The following SUCLG2 variants were observed in gnomAD, a reference collection of about 807,000 sequenced individuals.
SUCLG2 encodes succinate-CoA ligase GDP-forming subunit beta, also known as succinate--CoA ligase [GDP-forming] subunit beta, mitochondrial.
SUCLG2 carries 42 observed loss-of-function variants against 47.9 expected under a neutral mutation model. The observed-to-expected ratio is 0.88, with a 90% CI of 0.69 to 1.14. The LOEUF (loss-of-function observed/expected upper bound fraction) is 1.14. Among genes scored for constraint, SUCLG2 ranks in the 50% most tolerant of loss-of-function variants. SUCLG2 has a pLI of 0.00. For synonymous variants in SUCLG2, 195 were observed against 197.3 expected, an observed-to-expected ratio of 0.99 and a Z score of 0.10; for missense variants, 571 against 525.9, an observed-to-expected ratio of 1.09 and a Z score of -0.84.
intron 2 of SUCLG2, among the ~76,000 whole-genome samples, chr3:67,534,000 A>C (rs1706471608): frequency 6.6e-6 from 1 of 151,958 alleles, no homozygotes; most frequent in Non-Finnish European, 1.5e-5. Context: ...ATGAGACTGG[A>C]GATACATGGC....
At chr3:67,605,372 A>G (rs1700390738) in intron 2 of SUCLG2, among the ~76,000 whole-genome samples, 1 of 152,130 alleles carries the variant, frequency 6.6e-6, no homozygotes, top group South Asian at 2.1e-4. Context: ...CACAATTTTT[A>G]TATTTATGAT....
chr3:67,451,562 C>T (rs1704057628), intron 9 of SUCLG2, among the ~76,000 whole-genome samples: 1 of 151,988 alleles, frequency 6.6e-6, no homozygotes, highest in South Asian at 2.1e-4. Flanking sequence ...TATCTCTTTT[C>T]TGGTGTCTTG....
chr3:67,532,154 TAGAC>T (rs1443025822), intron 2 of SUCLG2, among the ~76,000 whole-genome samples: 1 of 152,216 alleles, frequency 6.6e-6, no homozygotes, highest in Non-Finnish European at 1.5e-5. Flanking sequence ...TTTTTTGTTT[TAGAC>T]AGAGTCTCAC....
At chr3:67,438,656 G>A (rs1044500953) in intron 9 of SUCLG2, among the ~76,000 whole-genome samples, 1 of 151,912 alleles carries the variant, frequency 6.6e-6, no homozygotes, top group Non-Finnish European at 1.5e-5. Context: ...ATAAATTCCT[G>A]GACACATACA....
At chr3:67,509,752 C>T (rs754802605) in intron 6 of SUCLG2, among the ~76,000 whole-genome samples, 1 of 152,138 alleles carries the variant, frequency 6.6e-6, no homozygotes, top group Non-Finnish European at 1.5e-5. Flanking sequence ...CAGTCTCATT[C>T]CCAGCTCCAT....
In SUCLG2 at chr3:67,375,285, T is replaced by C; in HGVS notation, c.*459A>G. 1 of 984,750 alleles carries C rather than the reference T, an allele frequency of 1.0e-6. No individual in the cohort carries two copies. Among genetic ancestry groups the C allele is most frequent in the Non-Finnish European group, 1.2e-6 (1 of 828,972 alleles). The allele number at this position is 984,750 out of a possible 1,614,324, so 61.0% of individuals were successfully genotyped here. A position where few individuals can be genotyped will look rare whatever the true frequency, so the allele number is the denominator to read the frequency against. ...TTAGCAGTGCCTTTTTAGTAGCTAA[T>C]ATGTTCAGTGTAATCTTATGCCTTT... is the stretch of plus-strand genomic sequence containing the variant. On this transcript the variant is annotated 3_prime_UTR_variant, in exon 11 of 11. Coordinates refer to ENST00000307227, the MANE Select transcript of SUCLG2 (RefSeq NM_003848.4).
intron 10 of SUCLG2, among the ~76,000 whole-genome samples, chr3:67,384,565 C>T (rs1326559625): frequency 1.3e-5 from 2 of 152,180 alleles, no homozygotes; most frequent in Non-Finnish European, 2.9e-5. Context: ...CTATACAATC[C>T]AAATTTCTGG....
In SUCLG2 at chr3:67,375,166, T is replaced by A. The variant is rs935792740; in HGVS notation, c.*578A>T. On this transcript the variant is annotated 3_prime_UTR_variant, in exon 11 of 11. Transcript: ENST00000307227. ...AATGCAGATATTCCATTATTAAATA[T>A]ATTTTGGAATACTCACGGATTTTTC... The A allele has an allele frequency of 2.0e-6, 2 of 985,118 alleles. No individual in the cohort carries two copies. The highest frequency in any genetic ancestry group is 3.5e-5 in the African/African-American group (2 of 57,222). 61.0% of individuals were successfully genotyped at this position (985,118 alleles called of 1,614,324 possible).
At chr3:67,531,844 A>G (rs1218338196) in intron 2 of SUCLG2, among the ~76,000 whole-genome samples, 2 of 152,198 alleles carry the variant, frequency 1.3e-5, no homozygotes, top group African/African-American at 4.8e-5. Context: ...AATTAAGATG[A>G]CAAATCCCAC....
intron 9 of SUCLG2, among the ~76,000 whole-genome samples, chr3:67,433,752 G>C (rs926468788): frequency 1.3e-5 from 2 of 150,942 alleles, no homozygotes; most frequent in African/African-American, 4.9e-5. Context: ...AAGGTGTAAA[G>C]ACTAAACCAG....
At position 67,400,257 on chromosome 3, in the gene SUCLG2, A is replaced by AT. The variant is rs558237094; in HGVS notation, c.1183+473_1183+474insA. ...AATATATAATACATATGATATATAA[A>AT]ATATACCATAAAATATACAAATTAT... On this transcript the variant is annotated intron_variant, in intron 10 of 10. Transcript: ENST00000307227. Among the ~76,000 whole-genome samples the AT allele has an allele frequency of 6.8e-3, 1,040 of 151,830 alleles. 12 individuals carry two copies. Among genetic ancestry groups the AT allele is most frequent in the African/African-American group, 0.024 (985 of 41,494 alleles).
downstream of SUCLG2, among the ~76,000 whole-genome samples, chr3:67,370,927 A>C (rs1701944194): frequency 6.6e-6 from 1 of 152,188 alleles, no homozygotes; most frequent in African/African-American, 2.4e-5. Context: ...TCTGCTTTTT[A>C]ATACAAGGTC....
At chr3:67,458,528 T>G (rs1395992158) in intron 9 of SUCLG2, among the ~76,000 whole-genome samples, 2 of 152,172 alleles carry the variant, frequency 1.3e-5, no homozygotes, top group Non-Finnish European at 2.9e-5. Flanking sequence ...ATCTCTAAAG[T>G]AAAGAGAGTC....
chr3:67,644,241 G>A (rs998678430), intron 1 of SUCLG2, among the ~76,000 whole-genome samples: 9 of 151,784 alleles, frequency 5.9e-5, no homozygotes, highest in Non-Finnish European at 1.2e-4. Context: ...AGTGTCCACC[G>A]ACAAATTAAT....
chr3:67,452,889 T>C (rs1265883743), intron 9 of SUCLG2, among the ~76,000 whole-genome samples: 1 of 152,220 alleles, frequency 6.6e-6, no homozygotes, highest in African/African-American at 2.4e-5. Context: ...CATATAAGAA[T>C]CTTCTAGCCA....
intron 9 of SUCLG2, among the ~76,000 whole-genome samples, chr3:67,449,793 T>A (rs965223080): frequency 6.6e-6 from 1 of 151,996 alleles, no homozygotes; most frequent in African/African-American, 2.4e-5. Flanking sequence ...TGTGTATTTT[T>A]AGTAGAGATG....
chr3:67,545,384 C>T (rs1412779730), intron 2 of SUCLG2, among the ~76,000 whole-genome samples: 1 of 152,178 alleles, frequency 6.6e-6, no homozygotes, highest in Non-Finnish European at 1.5e-5. Context: ...GATCTCAGAA[C>T]CACTTTCCCA....
intron 2 of SUCLG2, among the ~76,000 whole-genome samples, chr3:67,559,627 G>C (rs1707254863): frequency 6.6e-6 from 1 of 152,104 alleles, no homozygotes; most frequent in Admixed American, 6.6e-5. Context: ...GGTGAGGACA[G>C]AGCCAGACTA....
chr3:67,415,568 G>C (rs900200600), intron 9 of SUCLG2, among the ~76,000 whole-genome samples: 3 of 152,178 alleles, frequency 2.0e-5, no homozygotes, highest in Non-Finnish European at 4.4e-5. Flanking sequence ...TGTGACTCCA[G>C]ATCTACTGTG....
Sources: gnomAD v4.1 joint callset for allele counts (sites outside exome capture counted in the v4.1 genomes callset) on GRCh38, gnomAD v4.1.1 for gene constraint, MANE v1.5 for transcripts, NCBI Gene and HGNC (gene_info 2026-07-23, HGNC 2026-07-21) for gene names.